The following KDM5A variants were observed in gnomAD, a reference collection of about 807,000 sequenced individuals.
KDM5A encodes lysine demethylase 5A, also known as lysine-specific demethylase 5A.
KDM5A carries 42 observed loss-of-function variants against 193.5 expected under a neutral mutation model. The ratio of observed to expected loss-of-function variants is 0.22; its 90% CI spans 0.17 to 0.28. The LOEUF is 0.28. Among genes scored for constraint, KDM5A ranks in the 10% least tolerant of loss-of-function variants. KDM5A has a pLI of 1.00. For missense variants in KDM5A, 1,692 were observed against 2,055.1 expected (o/e 0.82, Z 3.42); for synonymous variants, 796 against 718.1 (o/e 1.11, Z -1.73).
intron 14 of KDM5A, among the ~76,000 whole-genome samples, chr12:324,335 A>G (rs1016326170): frequency 6.6e-6 from 1 of 152,120 alleles, no homozygotes; most frequent in Non-Finnish European, 1.5e-5. Context: ...AAGTCAAGAC[A>G]GTTTTTTGAG....
Position 284,166 on chromosome 12 carries a change from C to A in KDM5A, c.*1290G>T, listed in dbSNP as rs1943189506. On this transcript the variant is annotated 3_prime_UTR_variant, in exon 28 of 28. Coordinates refer to ENST00000399788, the MANE Select transcript of KDM5A (RefSeq NM_001042603.3). Reference sequence around the variant, plus strand: ...AAAGCAAAAAAGAAAAAGCAAGCCCCCAAATGGATTTTTGATGTTGAAACT... The same window carrying A: ...AAAGCAAAAAAGAAAAAGCAAGCCCACAAATGGATTTTTGATGTTGAAACT... 4.4e-6 allele frequency: 1 copy of A among 228,980 alleles called. No individual in the cohort carries two copies. Among genetic ancestry groups the A allele is most frequent in the African/African-American group, 2.2e-5 (1 of 44,816 alleles). 14.2% of individuals were successfully genotyped at this position (228,980 alleles called of 1,614,324 possible).
intron 19 of KDM5A, among the ~76,000 whole-genome samples, chr12:317,884 C>T (rs1943667314): frequency 6.6e-6 from 1 of 152,106 alleles, no homozygotes; most frequent in Non-Finnish European, 1.5e-5. Flanking sequence ...AGCTGCCTGC[C>T]AAAGCAGGGA....
intron 10 of KDM5A, among the ~76,000 whole-genome samples, chr12:344,923 C>T (rs907134480): frequency 6.6e-5 from 10 of 152,138 alleles, no homozygotes; most frequent in Admixed American, 5.2e-4. Context: ...GCAACATTAA[C>T]CTTAAATGTA....
At position 363,024 on chromosome 12, in the gene KDM5A, G is replaced by C; in HGVS notation, c.611C>G (p.Ser204Cys). Residue 204 changes from serine to cysteine, a missense_variant, in exon 5 of 28, where the codon TCC (serine) becomes TGC (cysteine). Physicochemically the swap from Ser to Cys is moderately radical, Grantham distance 112 (BLOSUM62 -1). This residue lies in a region of KDM5A where 134 missense variants were observed against 124.2 expected (regional missense o/e 1.08). Coordinates refer to ENST00000399788, the MANE Select transcript of KDM5A (RefSeq NM_001042603.3). ...PEVLSTDTQTSPEPGTRMNIL... is the reference protein window; with the variant it reads ...PEVLSTDTQTCPEPGTRMNIL... ...GTTCATCCTTGTGCCTGGCTCTGGG[G>C]AAGTTTGGGTATCAGTGCTGAGAAC... is the stretch of plus-strand genomic sequence containing the variant. The C allele has an allele frequency of 6.2e-7, 1 of 1,614,154 alleles. No individual in the cohort carries two copies. The highest frequency in any genetic ancestry group is 8.5e-7 in the Non-Finnish European group (1 of 1,180,010).
At chr12:291,664 A>G (rs1943295842) in intron 27 of KDM5A, among the ~76,000 whole-genome samples, 1 of 152,222 alleles carries the variant, frequency 6.6e-6, no homozygotes, top group Non-Finnish European at 1.5e-5. Flanking sequence ...AAACTGAGGC[A>G]CTATTAGAAT....
In KDM5A at chr12:307,158, T is replaced by C; in HGVS notation, c.3931-69A>G. 6.4e-7 allele frequency: 1 copy of C among 1,571,154 alleles called. No individual in the cohort carries two copies. On this transcript the variant is annotated intron_variant, in intron 23 of 27. Transcript: ENST00000399788. This position sits in a 1 kb window ranked among gnomAD's most constrained non-coding sequence, Gnocchi z 4.3. Reference sequence around the variant, plus strand: ...ACAGACAGGGTAATTAATGTGTGCTTAAGATCACCAAAATGTAATGAATAA... The same window carrying C: ...ACAGACAGGGTAATTAATGTGTGCTCAAGATCACCAAAATGTAATGAATAA...
At chr12:387,141 T>C (rs376639947) in intron 1 of KDM5A, 4 of 238,920 alleles carry the variant, frequency 1.7e-5, no homozygotes, top group East Asian at 1.4e-4. Context: ...TTAGATAGCA[T>C]ATTTCAAGTG....
chr12:339,216 C>T (rs1457426316), intron 10 of KDM5A, among the ~76,000 whole-genome samples: 1 of 151,048 alleles, frequency 6.6e-6, no homozygotes. Flanking sequence ...AGGTGTGTTA[C>T]CAGATACCAA....
At chr12:352,026 C>T (rs932603559) in intron 9 of KDM5A, among the ~76,000 whole-genome samples, 179 bp downstream of exon 9, 1 of 140,320 alleles carries the variant, frequency 7.1e-6, no homozygotes, top group African/African-American at 2.7e-5. Context: ...ATTACTTGAA[C>T]CTGGGAGGCA....
At chr12:300,578 G>C (rs984451028) in intron 24 of KDM5A, among the ~76,000 whole-genome samples, 1 of 152,106 alleles carries the variant, frequency 6.6e-6, no homozygotes, top group Non-Finnish European at 1.5e-5. Flanking sequence ...ACAAGAGAAA[G>C]GAAAGATCTA....
At chr12:363,165 A>G (rs961801521) in intron 4 of KDM5A, 68 bp from the exon 5 acceptor site, 4 of 1,585,426 alleles carry the variant, frequency 2.5e-6, no homozygotes, top group South Asian at 2.2e-5. Flanking sequence ...AATCAGTGTA[A>G]AAGTAATAAA....
At chr12:381,035 C>T (rs925040117) in intron 3 of KDM5A, among the ~76,000 whole-genome samples, 1 of 151,880 alleles carries the variant, frequency 6.6e-6, no homozygotes. Context: ...GCTCTTATTG[C>T]CCAGGCTGAA....
chr12:331,272 A>G (rs1438083529), intron 13 of KDM5A, among the ~76,000 whole-genome samples: 1 of 152,216 alleles, frequency 6.6e-6, no homozygotes, highest in Non-Finnish European at 1.5e-5. Flanking sequence ...GCAAAGGCTA[A>G]AAAAACTACA....
chr12:327,506 T>C (rs1370698530), intron 14 of KDM5A, among the ~76,000 whole-genome samples: 1 of 152,112 alleles, frequency 6.6e-6, no homozygotes, highest in African/African-American at 2.4e-5. Flanking sequence ...GGTCAGGAGC[T>C]TGAGACCAGC....
At chr12:339,937 T>C (rs1382598843) in intron 10 of KDM5A, among the ~76,000 whole-genome samples, 2 of 151,160 alleles carry the variant, frequency 1.3e-5, no homozygotes, top group Non-Finnish European at 2.9e-5. Flanking sequence ...TGCAGTGGCA[T>C]GATCACAGGT....
intron 3 of KDM5A, among the ~76,000 whole-genome samples, chr12:382,354 C>T (rs1944584799): frequency 6.6e-6 from 1 of 151,558 alleles, no homozygotes; most frequent in Non-Finnish European, 1.5e-5. Context: ...TCACTTGAAC[C>T]CGGGAGGCTG....
intron 10 of KDM5A, among the ~76,000 whole-genome samples, chr12:346,970 C>G (rs1386880237): frequency 1.3e-5 from 2 of 152,170 alleles, no homozygotes; most frequent in Non-Finnish European, 2.9e-5. Context: ...AAGAGGAAGT[C>G]AAATTGTCCC....
chr12:347,685 G>A (rs945926182), intron 10 of KDM5A, among the ~76,000 whole-genome samples: 4 of 152,074 alleles, frequency 2.6e-5, no homozygotes, highest in African/African-American at 7.2e-5. Flanking sequence ...TTTAATAAAC[G>A]GTCCTGGGAA....
chr12:293,262 C>T (rs770494263), intron 26 of KDM5A, 93 bp from the exon 27 acceptor site: 18 of 1,100,052 alleles, frequency 1.6e-5, no homozygotes, highest in South Asian at 4.3e-5. Flanking sequence ...TAGACACATT[C>T]GGAGAGACAG....
Sources: allele counts gnomAD v4.1 joint callset (sites outside exome capture counted in the v4.1 genomes callset), GRCh38; gene constraint gnomAD v4.1.1; regional missense constraint gnomAD v4.1.1; non-coding constraint Gnocchi (gnomAD v3.1); transcripts MANE v1.5; gene names NCBI Gene and HGNC (gene_info 2026-07-23, HGNC 2026-07-21).